Variants in CNTN3 observed in about 807,000 individuals in gnomAD.
CNTN3 encodes the protein contactin 3.
A neutral mutation model predicts 119.1 loss-of-function variants in CNTN3; 60 were observed. The observed-to-expected ratio is 0.50, with a 90% confidence interval of 0.41 to 0.62. The LOEUF (loss-of-function observed/expected upper bound fraction) is 0.62, where lower values mean the gene tolerates loss of function less well. Ranked by LOEUF, CNTN3 falls within the 20% of genes least tolerant of loss-of-function variation. The pLI, the probability that CNTN3 is intolerant of heterozygous loss-of-function variation, is 0.00. For missense variants in CNTN3, 1,101 were observed against 1,242.4 expected (o/e 0.89, Z 1.71); for synonymous variants, 450 against 438.7 (o/e 1.03, Z -0.32).
At chr3:74,597,429 C>G (rs1216542005) in intron 1 of CNTN3, among the ~76,000 whole-genome samples, 1 of 151,928 alleles carries the variant, frequency 6.6e-6, no homozygotes, top group Admixed American at 6.6e-5. Context: ...CTTCTAGCTA[C>G]TGAGCTGTGG....
chr3:74,576,732 A>T (rs1704423994), intron 1 of CNTN3, among the ~76,000 whole-genome samples: 1 of 152,186 alleles, frequency 6.6e-6, no homozygotes, highest in Non-Finnish European at 1.5e-5. Flanking sequence ...CCTGACCTGT[A>T]ATGATTTTTT....
intron 1 of CNTN3, among the ~76,000 whole-genome samples, chr3:74,568,007 A>T (rs141983102): frequency 4.1e-4 from 62 of 152,324 alleles, no homozygotes; most frequent in African/African-American, 1.4e-3. Flanking sequence ...GTTCCCAAGA[A>T]CATTCCCAAA....
At chr3:74,496,604 T>C (rs1703068783) in intron 3 of CNTN3, among the ~76,000 whole-genome samples, 1 of 150,114 alleles carries the variant, frequency 6.7e-6, no homozygotes, top group Non-Finnish European at 1.5e-5. Context: ...CTCCTATTTG[T>C]GGTCTTTCAT....
chr3:74,425,303 C>T (rs1321656845), intron 4 of CNTN3, among the ~76,000 whole-genome samples: 1 of 152,138 alleles, frequency 6.6e-6, no homozygotes, highest in Non-Finnish European at 1.5e-5. Flanking sequence ...AAGTACCTAA[C>T]ATTTATCTTC....
intron 1 of CNTN3, among the ~76,000 whole-genome samples, chr3:74,594,786 A>C (rs1704769991): frequency 6.6e-6 from 1 of 151,892 alleles, no homozygotes; most frequent in African/African-American, 2.4e-5. Context: ...TAGCAGCATG[A>C]TTTATAGTCC....
At chr3:74,503,532 A>G (rs1340187926) in intron 2 of CNTN3, among the ~76,000 whole-genome samples, 1 of 152,182 alleles carries the variant, frequency 6.6e-6, no homozygotes, top group Admixed American at 6.5e-5. Flanking sequence ...TTCATGTTCT[A>G]GTCTCTTGCC....
At chr3:74,421,734 G>T (rs554917519) in intron 5 of CNTN3, among the ~76,000 whole-genome samples, 1 of 152,284 alleles carries the variant, frequency 6.6e-6, no homozygotes, top group African/African-American at 2.4e-5. Flanking sequence ...AAAACCAAAT[G>T]GACCACAGTG....
intron 5 of CNTN3, among the ~76,000 whole-genome samples, chr3:74,402,759 G>GGT (rs1705229691): frequency 6.6e-6 from 1 of 152,250 alleles, no homozygotes; most frequent in African/African-American, 2.4e-5. Context: ...AATAAACCCA[G>GGT]GTGATACAAT....
intron 18 of CNTN3, 24 bp from the exon 19 acceptor site, chr3:74,295,260 T>G: frequency 7.5e-7 from 1 of 1,336,148 alleles, no homozygotes; most frequent in Middle Eastern, 1.8e-4. Flanking sequence ...GAAATTGAAA[T>G]ATGATGATAA....
rs1237777605 is a variant in CNTN3, at chr3:74,371,346, T to C, written c.508A>G (p.Ser170Gly). Residue 170 changes from serine (S) to glycine (G), a missense_variant, in exon 6 of 23, where the codon AGT (serine) becomes GGT (glycine). Coordinates refer to ENST00000263665, the MANE Select transcript of CNTN3 (RefSeq NM_020872.3). ...GTCTCCTGGGAGACAAATCTCCGAC[T>C]ATCTTCTTCAACAAACGATGGGTAT... is the stretch of plus-strand genomic sequence containing the variant. ...NEYPSFVEEDSRRFVSQETGH... is the reference protein window; with the variant it reads ...NEYPSFVEEDGRRFVSQETGH... 2 of 1,613,494 alleles carry C rather than the reference T, an allele frequency of 1.2e-6. No individual in the cohort carries two copies. The highest frequency in any genetic ancestry group is 1.1e-5 in the South Asian group (1 of 91,070).
rs193251186 is a variant in CNTN3 at position 74,280,295 on chromosome 3, T to G, written c.2704+5010A>C. The stretch of plus-strand genomic sequence containing the variant: ...AAAAGCAAAGACTCAAATGCAAAAG[T>G]GATTGTATCATTTGGCATTCTTCTT... On this transcript the variant is annotated intron_variant, in intron 20 of 22. Transcript: ENST00000263665. 6.6e-5 allele frequency among the ~76,000 whole-genome samples: 10 copies of G among 152,336 alleles called. No individual in the cohort carries two copies. The East Asian group carries it at 1.9e-3, about 29-fold the overall frequency.
At chr3:74,382,612 T>C (rs1045657683) in intron 5 of CNTN3, among the ~76,000 whole-genome samples, 8 of 152,216 alleles carry the variant, frequency 5.3e-5, no homozygotes, top group African/African-American at 1.7e-4. Flanking sequence ...AGTGAGGTCA[T>C]GTGATATTTG....
intron 1 of CNTN3, among the ~76,000 whole-genome samples, chr3:74,557,728 A>AG (rs1221638598): frequency 1.8e-3 from 1 of 548 alleles, no homozygotes; most frequent in East Asian, 0.5. Flanking sequence ...GCAACAGATG[A>AG]AAAAAAAAAA....
rs751060431 is a variant in CNTN3, at chr3:74,275,062, C to T, written c.2705-7684G>A. 1.6e-4 allele frequency among the ~76,000 whole-genome samples: 25 copies of T among 152,174 alleles called. 2 individuals carry two copies. In the East Asian group the frequency reaches 2.1e-3, roughly 13 times the overall value. On this transcript the variant is annotated intron_variant, in intron 20 of 22. Coordinates refer to ENST00000263665, the MANE Select transcript of CNTN3 (RefSeq NM_020872.3). The stretch of plus-strand genomic sequence containing the variant: ...ACAAGTAGAAGAAAGAAATTCAGAG[C>T]GTGAAGACAAGGTCCTCAATTTAAC...
chr3:74,591,477 G>A (rs1704701957), intron 1 of CNTN3, among the ~76,000 whole-genome samples: 1 of 151,928 alleles, frequency 6.6e-6, no homozygotes, highest in Non-Finnish European at 1.5e-5. Flanking sequence ...GAAGACAGCT[G>A]TGTTCTAAGA....
At chr3:74,546,120 C>T (rs1449303968) in intron 1 of CNTN3, among the ~76,000 whole-genome samples, 1 of 152,000 alleles carries the variant, frequency 6.6e-6, no homozygotes, top group African/African-American at 2.4e-5. Flanking sequence ...CTCAGCCTTC[C>T]GAGTAGCTGG....
chr3:74,511,625 T>C (rs1267350670), intron 2 of CNTN3, among the ~76,000 whole-genome samples: 1 of 152,050 alleles, frequency 6.6e-6, no homozygotes, highest in African/African-American at 2.4e-5. Context: ...ACTATGATCT[T>C]ACCACTACAC....
intron 1 of CNTN3, among the ~76,000 whole-genome samples, chr3:74,557,607 A>C (rs1326542528): frequency 6.6e-6 from 1 of 152,146 alleles, no homozygotes; most frequent in African/African-American, 2.4e-5. Flanking sequence ...TAAGGGCTTA[A>C]GAATTCTTGT....
At chr3:74,301,268 T>C in intron 16 of CNTN3, 130 bp downstream of exon 16, 1 of 921,698 alleles carries the variant, frequency 1.1e-6, no homozygotes, top group Middle Eastern at 3.3e-4. Context: ...AGTTCTGCCA[T>C]TAGAAAGGTT....
Sources: allele counts gnomAD v4.1 joint callset (sites outside exome capture counted in the v4.1 genomes callset), GRCh38; gene constraint gnomAD v4.1.1; transcripts MANE v1.5; gene names NCBI Gene and HGNC (gene_info 2026-07-23, HGNC 2026-07-21).